The following MYLK4 variants were observed in gnomAD, a reference collection of about 807,000 sequenced individuals.
MYLK4 encodes caMLCK like.
MYLK4 carries 46 observed loss-of-function variants against 48.1 expected under a neutral mutation model. The ratio of observed to expected loss-of-function variants is 0.96; its 90% CI spans 0.75 to 1.22. The LOEUF (loss-of-function observed/expected upper bound fraction) is 1.22, where lower values mean the gene tolerates loss of function less well. MYLK4 is among the 50% of genes most tolerant of loss of function. The probability of loss-of-function intolerance (pLI) is 0.00; values close to 1 mark genes in which losing one functional copy is unlikely to be tolerated. For missense variants in MYLK4, 451 were observed against 486.1 expected (o/e 0.93, Z 0.68); for synonymous variants, 170 against 180.8 (o/e 0.94, Z 0.48).
intron 7 of MYLK4, among the ~76,000 whole-genome samples, chr6:2,680,860 G>A (rs1761273850): frequency 6.6e-6 from 1 of 152,142 alleles, no homozygotes; most frequent in Non-Finnish European, 1.5e-5. Flanking sequence ...CAGTTCCAAG[G>A]TTTTGCTGAG....
chr6:2,700,959 G>A (rs150910552), intron 2 of MYLK4, among the ~76,000 whole-genome samples: 17 of 152,252 alleles, frequency 1.1e-4, no homozygotes, highest in East Asian at 3.9e-4. Context: ...TTGGGATTCC[G>A]TCACCAGAAT....
chr6:2,684,269 G>C (rs1321255941), intron 6 of MYLK4, among the ~76,000 whole-genome samples: 5 of 152,170 alleles, frequency 3.3e-5, no homozygotes, highest in Non-Finnish European at 5.9e-5. Context: ...TGGACAAAGG[G>C]ATGATTCACG....
In MYLK4 at chr6:2,688,969, A is replaced by G. The variant is rs1219034155; in HGVS notation, c.236-13T>C. The G allele has an allele frequency of 6.2e-7, 1 of 1,611,836 alleles. No homozygotes were observed. Among genetic ancestry groups the G allele is most frequent in the South Asian group, 1.1e-5 (1 of 91,050 alleles). On this transcript the variant is annotated splice_polypyrimidine_tract_variant and intron_variant, in intron 3 of 12. Coordinates refer to ENST00000274643, the MANE Select transcript of MYLK4 (RefSeq NM_001012418.5). ...GCCGGGATGTCAACTAGAAGGTGAG[A>G]GAAACAGAAGGGCAATCTGTCAAGA...
chr6:2,704,794 G>C (rs1762427321), intron 2 of MYLK4, among the ~76,000 whole-genome samples: 1 of 152,146 alleles, frequency 6.6e-6, no homozygotes, highest in Non-Finnish European at 1.5e-5. Context: ...ACATCTCCTA[G>C]CCCAACATCA....
At position 2,666,966 on chromosome 6, in the gene MYLK4, G is replaced by T. The variant is rs751742443; in HGVS notation, c.*959C>A. ...CTGTACTTGGTCTTTGCCACTGTTT[G>T]TATGTGTTTACCCAGAAGCTTGAAT... is the stretch of plus-strand genomic sequence containing the variant. On this transcript the variant is annotated 3_prime_UTR_variant, in exon 13 of 13. Transcript: ENST00000274643. 1 of 152,260 alleles carries T rather than the reference G, an allele frequency of 6.6e-6. No individual in the cohort carries two copies. Among genetic ancestry groups the T allele is most frequent in the Non-Finnish European group, 1.5e-5 (1 of 68,066 alleles). The allele number at this position is 152,260 out of a possible 1,614,324, so 9.4% of individuals were successfully genotyped here.
intron 9 of MYLK4, among the ~76,000 whole-genome samples, chr6:2,678,948 C>T (rs1012592345): frequency 2.0e-5 from 3 of 152,054 alleles, no homozygotes; most frequent in African/African-American, 7.3e-5. Context: ...GTGATCCGCC[C>T]ACCTCAGCCT....
chr6:2,766,473 C>T, the MYLK4 span: 4 of 1,474,430 alleles, frequency 2.7e-6, no homozygotes, highest in South Asian at 2.6e-5. Context: ...GTTGGGCTTC[C>T]GTAGTTATCT....
chr6:2,689,591 C>T (rs974832633), intron 3 of MYLK4, among the ~76,000 whole-genome samples: 1 of 152,202 alleles, frequency 6.6e-6, no homozygotes, highest in South Asian at 2.1e-4. Context: ...AGTGTTTAAA[C>T]GCTCGTCCAC....
the MYLK4 span, chr6:2,765,783 C>G: frequency 2.1e-6 from 3 of 1,434,122 alleles, no homozygotes; most frequent in Non-Finnish European, 2.7e-6. Context: ...GCGGCCGGGT[C>G]GCACCGCGCC....
At chr6:2,735,280 T>C (rs763848108) in intron 2 of MYLK4, among the ~76,000 whole-genome samples, 4 of 152,216 alleles carry the variant, frequency 2.6e-5, no homozygotes, top group Non-Finnish European at 4.4e-5. Flanking sequence ...GATACTCTGA[T>C]CTGAAGGTAA....
At chr6:2,726,908 G>T (rs188798063) in intron 2 of MYLK4, among the ~76,000 whole-genome samples, 22 of 152,172 alleles carry the variant, frequency 1.4e-4, no homozygotes, top group African/African-American at 5.1e-4. Context: ...CACCGTGCCC[G>T]GGCACCTACT....
the MYLK4 span, chr6:2,765,773 G>C: frequency 1.4e-6 from 2 of 1,459,802 alleles, no homozygotes; most frequent in Non-Finnish European, 1.8e-6. Flanking sequence ...CGCGGAGCCC[G>C]CGGCCGGGTC....
chr6:2,758,787 ATTG>A, the MYLK4 span, among the ~76,000 whole-genome samples: 1 of 152,124 alleles, frequency 6.6e-6, no homozygotes, highest in Admixed American at 6.5e-5. Context: ...AACCCATCAT[ATTG>A]TTGTATATAG....
At chr6:2,751,381 G>A (rs150486693), upstream of MYLK4, among the ~76,000 whole-genome samples, 1 of 152,336 alleles carries the variant, frequency 6.6e-6, no homozygotes, top group East Asian at 1.9e-4. Context: ...TCTTAAAGAT[G>A]TTTGCAAAGT....
upstream of MYLK4, among the ~76,000 whole-genome samples, chr6:2,754,927 T>A (rs1764389997): frequency 6.6e-6 from 1 of 152,316 alleles, no homozygotes; most frequent in South Asian, 2.1e-4. Context: ...TTGTAATTAA[T>A]AGAAAAATTA....
At chr6:2,755,014 T>A (rs1010602027), upstream of MYLK4, among the ~76,000 whole-genome samples, 5 of 152,180 alleles carry the variant, frequency 3.3e-5, no homozygotes, top group African/African-American at 9.7e-5. Flanking sequence ...AAGATAATGA[T>A]GTTATGGAAT....
At chr6:2,705,136 C>A (rs1042894034) in intron 2 of MYLK4, among the ~76,000 whole-genome samples, 1 of 152,182 alleles carries the variant, frequency 6.6e-6, no homozygotes, top group African/African-American at 2.4e-5. Context: ...CAGAAGAAAG[C>A]AAGATGCTTG....
At chr6:2,765,534 GC>G in the MYLK4 span, 2 of 1,323,592 alleles carry the variant, frequency 1.5e-6, no homozygotes, top group Admixed American at 8.5e-5. Flanking sequence ...GGGTCTCGCG[GC>G]GCGGGGCCTA....
At chr6:2,706,456 T>G (rs964564055) in intron 2 of MYLK4, among the ~76,000 whole-genome samples, 2 of 152,180 alleles carry the variant, frequency 1.3e-5, no homozygotes, top group Non-Finnish European at 2.9e-5. Context: ...CACAGGTGTA[T>G]GCATTTGTCC....
Sources: gnomAD v4.1 joint callset for allele counts (sites outside exome capture counted in the v4.1 genomes callset) on GRCh38, gnomAD v4.1.1 for gene constraint, MANE v1.5 for transcripts, NCBI Gene and HGNC (gene_info 2026-07-23, HGNC 2026-07-21) for gene names.